The following RIMS2 variants were observed in gnomAD, a reference collection of about 807,000 sequenced individuals.
RIMS2 encodes regulating synaptic membrane exocytosis protein 2.
RIMS2 carries 59 observed loss-of-function variants against 174.4 expected under a neutral mutation model. The observed-to-expected ratio is 0.34, with a 90% CI of 0.27 to 0.42. The LOEUF is 0.42. RIMS2 is among the 10% of genes least tolerant of loss of function. RIMS2 has a pLI of 1.00. For missense variants in RIMS2, 1,620 were observed against 1,666.3 expected, an observed-to-expected ratio of 0.97 and a Z score of 0.48; for synonymous variants, 606 against 572.5, an observed-to-expected ratio of 1.06 and a Z score of -0.84.
chr8:103,821,647 G>A (rs1564763258), intron 3 of RIMS2, among the ~76,000 whole-genome samples: 3 of 151,414 alleles, frequency 2.0e-5, no homozygotes, highest in East Asian at 3.9e-4. Flanking sequence ...TAATTTTTTG[G>A]TTATTTTTTG....
chr8:103,577,775 G>C (rs1289154793), intron 1 of RIMS2, among the ~76,000 whole-genome samples: 1 of 152,104 alleles, frequency 6.6e-6, no homozygotes, highest in East Asian at 1.9e-4. Flanking sequence ...TTAAAAGCCA[G>C]ACAGAAACCT....
At chr8:103,674,802 T>A (rs577066481) in intron 1 of RIMS2, among the ~76,000 whole-genome samples, 1 of 152,290 alleles carries the variant, frequency 6.6e-6, no homozygotes, top group South Asian at 2.1e-4. Context: ...ATTTTTAGAA[T>A]TATGTTTTCT....
chr8:104,189,277 C>T (rs1265248365), intron 19 of RIMS2, among the ~76,000 whole-genome samples: 2 of 151,852 alleles, frequency 1.3e-5, no homozygotes, highest in African/African-American at 4.8e-5. Flanking sequence ...CTCCTTAAAC[C>T]ATTTACAGCT....
chr8:103,934,754 A>G (rs1160714649), intron 12 of RIMS2, among the ~76,000 whole-genome samples: 1 of 150,900 alleles, frequency 6.6e-6, no homozygotes, highest in Non-Finnish European at 1.5e-5. Flanking sequence ...CTGGAGTGCA[A>G]TGGCACGATC....
At chr8:104,117,488 G>A (rs2098297184) in intron 19 of RIMS2, among the ~76,000 whole-genome samples, 1 of 151,550 alleles carries the variant, frequency 6.6e-6, no homozygotes, top group African/African-American at 2.4e-5. Flanking sequence ...TCCTGTGCTT[G>A]TGCCACCATG....
Position 103,942,897 on chromosome 8 carries a change from A to G in RIMS2, c.2672A>G (p.His891Arg), listed in dbSNP as rs758367858. The change falls in exon 14 of 24, where the codon CAT becomes CGT. Residue 891 changes from histidine (H) to arginine (R), a missense_variant. By Grantham distance (29) the His-to-Arg change is conservative. This residue lies in a region of RIMS2 where 1,395 missense variants were observed against 1,360.1 expected (regional missense o/e 1.03). Transcript: ENST00000504942. Reference sequence around the variant, plus strand: ...CCATATATGCCACGAAGACAGCTCCATGGAGAGAGCCCAACACGGAGGTTG... The same window carrying G: ...CCATATATGCCACGAAGACAGCTCCGTGGAGAGAGCCCAACACGGAGGTTG... The G allele has an allele frequency of 6.8e-6, 11 of 1,612,568 alleles. 1 individual carries two copies. Among genetic ancestry groups the G allele is most frequent in the Middle Eastern group, 1.6e-4 (1 of 6,076 alleles).
intron 1 of RIMS2, among the ~76,000 whole-genome samples, chr8:103,679,681 A>G (rs909306962): frequency 6.6e-5 from 10 of 152,012 alleles, no homozygotes; most frequent in African/African-American, 2.4e-4. Context: ...TTCCTTAGTG[A>G]TGAGGGAGAC....
intron 19 of RIMS2, among the ~76,000 whole-genome samples, chr8:104,175,443 A>G (rs1052571488): frequency 1.3e-5 from 2 of 152,146 alleles, no homozygotes; most frequent in African/African-American, 2.4e-5. Context: ...TTATCCTTTT[A>G]TTGTGTTACA....
intron 1 of RIMS2, among the ~76,000 whole-genome samples, chr8:103,548,943 C>G (rs910993087): frequency 6.6e-6 from 1 of 151,908 alleles, no homozygotes; most frequent in Non-Finnish European, 1.5e-5. Context: ...AATAAAATAC[C>G]TAGGAATACA....
intron 1 of RIMS2, among the ~76,000 whole-genome samples, chr8:103,677,033 T>A (rs2096823758): frequency 6.6e-6 from 1 of 152,156 alleles, no homozygotes; most frequent in Admixed American, 6.5e-5. Flanking sequence ...ATTTGGAATG[T>A]TTCAGTGTAA....
chr8:104,056,327 C>G (rs1457196721), intron 19 of RIMS2, among the ~76,000 whole-genome samples: 1 of 151,726 alleles, frequency 6.6e-6, no homozygotes, highest in African/African-American at 2.4e-5. Flanking sequence ...TCGCTTGAAC[C>G]CAGGAGGCAG....
intron 2 of RIMS2, among the ~76,000 whole-genome samples, chr8:103,732,492 A>C (rs1326468318): frequency 3.3e-5 from 5 of 152,204 alleles, no homozygotes; most frequent in Non-Finnish European, 5.9e-5. Flanking sequence ...TACAATCAGC[A>C]GGTGATTAAA....
At chr8:103,825,162 A>G (rs2098780962) in intron 3 of RIMS2, among the ~76,000 whole-genome samples, 1 of 152,188 alleles carries the variant, frequency 6.6e-6, no homozygotes, top group African/African-American at 2.4e-5. Context: ...CAACTGTTGT[A>G]CTGCTTCCCC....
At chr8:103,670,705 C>A (rs1371136295) in intron 1 of RIMS2, among the ~76,000 whole-genome samples, 1 of 152,226 alleles carries the variant, frequency 6.6e-6, no homozygotes, top group Non-Finnish European at 1.5e-5. Context: ...CACTTCCCAA[C>A]AAGTTACTTA....
chr8:103,702,981 G>GTTT (rs1386885574), intron 2 of RIMS2, among the ~76,000 whole-genome samples: 2 of 124,470 alleles, frequency 1.6e-5, no homozygotes, highest in African/African-American at 6.3e-5. Context: ...GTTTTTGTGA[G>GTTT]TTTGTTTTTT....
At chr8:103,909,973 C>G (rs2075327035) in intron 4 of RIMS2, among the ~76,000 whole-genome samples, 1 of 148,520 alleles carries the variant, frequency 6.7e-6, no homozygotes, top group Non-Finnish European at 1.5e-5. Flanking sequence ...TTTCTTTTGG[C>G]ATATATATAG....
intron 16 of RIMS2, among the ~76,000 whole-genome samples, chr8:103,980,787 C>T (rs181688211): frequency 5.9e-5 from 9 of 152,238 alleles, no homozygotes; most frequent in Admixed American, 2.0e-4. Context: ...AGTGGCCTGA[C>T]GGAACCCCCT....
At chr8:103,655,976 A>G (rs1282534635) in intron 1 of RIMS2, among the ~76,000 whole-genome samples, 1 of 152,164 alleles carries the variant, frequency 6.6e-6, no homozygotes, top group East Asian at 1.9e-4. Context: ...GAGTGAGAAT[A>G]GAAATGGAGA....
At chr8:103,861,283 A>G (rs942252534) in intron 3 of RIMS2, among the ~76,000 whole-genome samples, 1 of 152,016 alleles carries the variant, frequency 6.6e-6, no homozygotes, top group African/African-American at 2.4e-5. Context: ...CTCCAGCTCT[A>G]CCCATGCTGT....
Sources: gnomAD v4.1 joint callset for allele counts (sites outside exome capture counted in the v4.1 genomes callset) on GRCh38, gnomAD v4.1.1 for gene constraint, gnomAD v4.1.1 regional missense constraint, MANE v1.5 for transcripts, NCBI Gene and HGNC (gene_info 2026-07-23, HGNC 2026-07-21) for gene names.